The following MACROD2 variants were observed in gnomAD, a reference collection of about 807,000 sequenced individuals.
MACROD2 encodes the protein mono-ADP ribosylhydrolase 2.
A neutral mutation model predicts 70.4 loss-of-function variants in MACROD2; 36 were observed. That is an observed-to-expected ratio of 0.51 (90% CI 0.39 to 0.68). The LOEUF is 0.68. MACROD2 is among the 30% of genes least tolerant of loss of function. MACROD2 has a pLI of 0.00. For synonymous variants in MACROD2, 172 were observed against 178.8 expected, an observed-to-expected ratio of 0.96 and a Z score of 0.30; for missense variants, 496 against 538.4, an observed-to-expected ratio of 0.92 and a Z score of 0.78.
chr20:15,798,490 A>G (rs968260974), intron 8 of MACROD2, among the ~76,000 whole-genome samples: 7 of 152,178 alleles, frequency 4.6e-5, no homozygotes, highest in South Asian at 2.1e-4. Flanking sequence ...TATGGTCTTC[A>G]TGGACCTGCC....
chr20:15,653,863 A>C (rs1203731478), intron 8 of MACROD2, among the ~76,000 whole-genome samples: 1 of 152,160 alleles, frequency 6.6e-6, no homozygotes, highest in African/African-American at 2.4e-5. Flanking sequence ...TTCTTTTGCT[A>C]TCTGAGAATT....
At chr20:14,984,041 C>A (rs1417604551) in intron 5 of MACROD2, among the ~76,000 whole-genome samples, 1 of 152,110 alleles carries the variant, frequency 6.6e-6, no homozygotes, top group Non-Finnish European at 1.5e-5. Context: ...AAGGTTAGAA[C>A]CAGGGTAGAA....
intron 6 of MACROD2, among the ~76,000 whole-genome samples, chr20:15,427,198 C>T (rs1368738140): frequency 6.6e-6 from 1 of 152,126 alleles, no homozygotes; most frequent in Non-Finnish European, 1.5e-5. Context: ...CAAAGTCATC[C>T]TCCATTACAC....
intron 5 of MACROD2, among the ~76,000 whole-genome samples, chr20:14,899,424 G>T (rs1399331405): frequency 3.3e-5 from 5 of 152,130 alleles, no homozygotes; most frequent in Non-Finnish European, 5.9e-5. Context: ...CCGTAAGGAA[G>T]AATTTGTTCC....
intron 5 of MACROD2, among the ~76,000 whole-genome samples, chr20:15,227,210 A>T (rs2076914643): frequency 6.6e-6 from 1 of 152,198 alleles, no homozygotes; most frequent in Non-Finnish European, 1.5e-5. Flanking sequence ...GAACTAAAGA[A>T]ATGCAAGGAA....
intron 4 of MACROD2, among the ~76,000 whole-genome samples, chr20:14,637,019 G>C (rs1411907631): frequency 3.9e-5 from 6 of 152,104 alleles, no homozygotes; most frequent in Non-Finnish European, 7.3e-5. Context: ...AATAATCTCT[G>C]ACCTGAGATG....
chr20:14,633,792 C>T (rs1332462977), intron 4 of MACROD2, among the ~76,000 whole-genome samples: 2 of 152,168 alleles, frequency 1.3e-5, no homozygotes, highest in Admixed American at 1.3e-4. Flanking sequence ...TTGAAACCAC[C>T]TCAGGCCTTT....
At chr20:15,663,545 A>AT (rs2049852950) in intron 8 of MACROD2, among the ~76,000 whole-genome samples, 1 of 151,680 alleles carries the variant, frequency 6.6e-6, no homozygotes, top group South Asian at 2.1e-4. Flanking sequence ...CTGAATTTGA[A>AT]TTTTTTATGT....
chr20:15,290,900 G>C (rs1254629060), intron 6 of MACROD2, among the ~76,000 whole-genome samples: 1 of 152,148 alleles, frequency 6.6e-6, no homozygotes, highest in Non-Finnish European at 1.5e-5. Flanking sequence ...AAAATAACAT[G>C]CTATTCCTAC....
chr20:14,334,641 G>GCCT (rs1160167511), intron 3 of MACROD2, among the ~76,000 whole-genome samples: 1 of 140,706 alleles, frequency 7.1e-6, no homozygotes, highest in Non-Finnish European at 1.5e-5. Context: ...AACAGTGAAG[G>GCCT]CCTCTGGGGC....
At chr20:15,984,378 T>C (rs2066446839) in intron 13 of MACROD2, among the ~76,000 whole-genome samples, 1 of 152,296 alleles carries the variant, frequency 6.6e-6, no homozygotes, top group South Asian at 2.1e-4. Flanking sequence ...ACTAAAGGTA[T>C]ATTTTACTTT....
intron 12 of MACROD2, among the ~76,000 whole-genome samples, chr20:15,938,654 A>G (rs1401414579): frequency 1.3e-5 from 2 of 152,140 alleles, no homozygotes; most frequent in South Asian, 2.1e-4. Context: ...AGGCCAATTA[A>G]TAGACCTACA....
intron 8 of MACROD2, among the ~76,000 whole-genome samples, chr20:15,538,609 G>T (rs1483362166): frequency 6.6e-6 from 1 of 152,190 alleles, no homozygotes; most frequent in Non-Finnish European, 1.5e-5. Flanking sequence ...GAATTCAAAT[G>T]TTAGATACAG....
At chr20:15,846,389 A>G (rs1239314023) in intron 8 of MACROD2, among the ~76,000 whole-genome samples, 1 of 152,102 alleles carries the variant, frequency 6.6e-6, no homozygotes, top group East Asian at 1.9e-4. Flanking sequence ...AGTTCTTTTC[A>G]ATTGATTCCT....
At chr20:14,575,017 C>CAAAAAAAAAAAA (rs1195216470) in intron 4 of MACROD2, among the ~76,000 whole-genome samples, 23 of 49,926 alleles carry the variant, frequency 4.6e-4, no homozygotes, top group African/African-American at 1.5e-3. Flanking sequence ...GACTCTGTCT[C>CAAAAAAAAAAAA]AAAAAAAAAA....
At chr20:14,271,573 A>G (rs2082196374) in intron 3 of MACROD2, among the ~76,000 whole-genome samples, 1 of 152,180 alleles carries the variant, frequency 6.6e-6, no homozygotes, top group Non-Finnish European at 1.5e-5. Context: ...TGGAAACTCT[A>G]AAAAACAGAG....
rs979356491 is a variant in MACROD2 at position 15,210,530 on chromosome 20, G to A, written c.419-19410G>A. Among the ~76,000 whole-genome samples the A allele has an allele frequency of 1.0e-3, 141 of 138,324 alleles. 1 individual carries two copies. The highest frequency in any genetic ancestry group is 1.1e-4 in the African/African-American group (4 of 37,158). 90.7% of individuals were successfully genotyped at this position (138,324 alleles called of 152,430 possible). A position where few individuals can be genotyped will look rare whatever the true frequency, so the allele number is the denominator to read the frequency against. On this transcript the variant is annotated intron_variant, in intron 5 of 17. Transcript: ENST00000684519. ...TGAATTTACAGGCACGTCCAGCACC[G>A]TTTCTTTTATTCTTTTCTTCTGTTT...
At chr20:15,884,779 G>A (rs2064801792) in intron 9 of MACROD2, among the ~76,000 whole-genome samples, 1 of 151,972 alleles carries the variant, frequency 6.6e-6, no homozygotes, top group Admixed American at 6.6e-5. Flanking sequence ...TAGACTCAGT[G>A]GCTTACAAAC....
chr20:14,178,571 C>T (rs764879234), intron 3 of MACROD2, among the ~76,000 whole-genome samples: 1 of 151,876 alleles, frequency 6.6e-6, no homozygotes, highest in African/African-American at 2.4e-5. Context: ...TAGTTATGTA[C>T]ATGGATTGAG....
Sources: allele counts gnomAD v4.1 joint callset (sites outside exome capture counted in the v4.1 genomes callset), GRCh38; gene constraint gnomAD v4.1.1; transcripts MANE v1.5; gene names NCBI Gene and HGNC (gene_info 2026-07-23, HGNC 2026-07-21).